GJB1: variants seen among roughly 807,000 people sequenced by gnomAD.
GJB1 encodes the protein gap junction beta-1 protein.
GJB1 carries 1 observed loss-of-function variant against 12.0 expected under a neutral mutation model. The observed-to-expected ratio is 0.08, with a 90% CI of 0.03 to 0.40. GJB1 has a LOEUF of 0.40. GJB1 is among the 10% of genes least tolerant of loss of function. GJB1 has a pLI of 0.98. For synonymous variants in GJB1, 114 were observed against 102.8 expected, an observed-to-expected ratio of 1.11 and a Z score of -0.66; for missense variants, 140 against 250.3, an observed-to-expected ratio of 0.56 and a Z score of 2.97.
At chrX:71,217,521 G>A (rs2092527938) in intron 1 of GJB1, 1 of 111,831 alleles carries the variant, frequency 8.9e-6, no homozygotes. Context: ...AGCAAAACAC[G>A]CGTGCAGCAA....
Position 71,224,578 on chromosome X carries a change from C to G in GJB1, c.*19C>G, listed in dbSNP as rs769121326. The G allele has an allele frequency of 8.7e-6, 10 of 1,154,806 alleles. No individual in the cohort carries two copies. The South Asian group carries it at 1.9e-4, about 22-fold the overall frequency. On this transcript the variant is annotated 3_prime_UTR_variant, in exon 2 of 2. Coordinates refer to ENST00000361726, the MANE Select transcript of GJB1 (RefSeq NM_000166.6). ...CTGCTGATGCCACATACCAGGCAAC[C>G]TCCCATCCCACCCCCGACCCTGCCC...
At chrX:71,219,502 T>C (rs1297425781), upstream of GJB1, among the ~76,000 whole-genome samples, 1 of 108,368 alleles carries the variant, frequency 9.2e-6, no homozygotes, top group African/African-American at 3.4e-5. Flanking sequence ...CCAGGCGCGG[T>C]GGCTCACGCC....
Position 71,224,294 on chromosome X carries a change from C to A in GJB1, c.587C>A (p.Ala196Asp). 8.3e-7 allele frequency: 1 copy of A among 1,209,075 alleles called. No homozygotes were observed. The change falls in exon 2 of 2, where the codon GCT (alanine) becomes GAT (aspartate). Residue 196 changes from alanine (A) to aspartate (D), a missense_variant. By Grantham distance (126) the Ala-to-Asp change is moderately radical. Coordinates refer to ENST00000361726, the MANE Select transcript of GJB1 (RefSeq NM_000166.6). ...EKTVFTVFML[A>D]ASGICIILNV... The stretch of plus-strand genomic sequence containing the variant: ...ACCGTCTTCACCGTCTTCATGCTAG[C>A]TGCCTCTGGCATCTGCATCATCCTC...
upstream of GJB1, among the ~76,000 whole-genome samples, chrX:71,219,454 G>T (rs1260075982): frequency 9.2e-6 from 1 of 108,338 alleles, no homozygotes; most frequent in African/African-American, 3.4e-5. Flanking sequence ...AAGAGACGGG[G>T]GTCTCCATAT....
chrX:71,224,532 A>G lies in GJB1; in HGVS notation c.825A>G (p.Glu275=). ...CTGGCACCGGGGCTGGGCTGGCTGA[A>G]AAGAGCGACCGCTGCTCGGCCTGCT... ...RSPGTGAGLA[E]KSDRCSAC is the part of the protein sequence containing the mutation. Residue 275 remains glutamate (E), a synonymous_variant, in exon 2 of 2, where the codon GAA becomes GAG. Coordinates refer to ENST00000361726, the MANE Select transcript of GJB1 (RefSeq NM_000166.6). The G allele has an allele frequency of 8.4e-7, 1 of 1,192,502 alleles. No homozygotes were observed. The highest frequency in any genetic ancestry group is 1.1e-6 in the Non-Finnish European group (1 of 885,807).
At chrX:71,221,172 C>A (rs184073860), upstream of GJB1, among the ~76,000 whole-genome samples, 634 of 111,236 alleles carry the variant, frequency 5.7e-3, 8 homozygotes, top group African/African-American at 0.019. Flanking sequence ...AGGCGTGAGC[C>A]ACCTTGCCCA....
chrX:71,219,773 CA>C (rs41477550), upstream of GJB1, among the ~76,000 whole-genome samples: 657 of 22,002 alleles, frequency 0.03, no homozygotes, highest in Middle Eastern at 0.071. Flanking sequence ...GACTCCCTCT[CA>C]AAAAAAAAAA....
At chrX:71,223,554 C>T (rs1390034106) in intron 1 of GJB1, 138 bp from the exon 2 acceptor site, 8 of 576,470 alleles carry the variant, frequency 1.4e-5, no homozygotes, top group Admixed American at 1.0e-4. Context: ...GATGGGGTGA[C>T]GAGGAAAGAC....
chrX:71,221,434 T>C (rs182880893), upstream of GJB1, among the ~76,000 whole-genome samples: 1 of 110,956 alleles, frequency 9.0e-6, no homozygotes, highest in African/African-American at 3.3e-5. Flanking sequence ...TTTCCCCAGA[T>C]TCTTTCATCC....
chrX:71,219,509 C>T (rs1392359850), upstream of GJB1, among the ~76,000 whole-genome samples: 4 of 108,003 alleles, frequency 3.7e-5, no homozygotes, highest in East Asian at 2.9e-4. Context: ...CGGTGGCTCA[C>T]GCCTATAATC....
At position 71,217,585 on chromosome X, in the gene GJB1, A is replaced by G. The variant is rs192901009; in HGVS notation, c.-17+2314A>G. On this transcript the variant is annotated intron_variant, in intron 1 of 1. Coordinates refer to the GJB1 transcript ENST00000374029. ...ACCCGAAGTCACAAAAACAGTTTGGATTTCAAAATCAGGTCACTCCCCTGG... is the reference window on the plus strand; with the variant it reads ...ACCCGAAGTCACAAAAACAGTTTGGGTTTCAAAATCAGGTCACTCCCCTGG... The G allele has an allele frequency of 3.5e-3, 392 of 111,994 alleles. 1 individual carries two copies. Among genetic ancestry groups the G allele is most frequent in the African/African-American group, 0.012 (369 of 30,908 alleles). 9.2% of individuals were successfully genotyped at this position (111,994 alleles called of 1,213,427 possible).
In GJB1 at chrX:71,223,721, G is replaced by T. The variant is rs1064793139; in HGVS notation, c.14G>T (p.Gly5Val). The T allele has an allele frequency of 1.5e-5, 18 of 1,210,958 alleles. No individual in the cohort carries two copies. The highest frequency in any genetic ancestry group is 2.0e-5 in the Non-Finnish European group (18 of 894,990). The change falls in exon 2 of 2, where the codon GGT (glycine) becomes GTT (valine). Residue 5 changes from glycine to valine, a missense_variant. Gly to Val is a moderately radical substitution (Grantham distance 109). Coordinates refer to ENST00000361726, the MANE Select transcript of GJB1 (RefSeq NM_000166.6). Reference protein sequence around the residue: MNWTGLYTLLSGVNR... With the variant: MNWTVLYTLLSGVNR... ...GAATGAGGCAGGATGAACTGGACAG[G>T]TTTGTACACCTTGCTCAGTGGCGTG...
chrX:71,221,207 T>C (rs190586005), upstream of GJB1, among the ~76,000 whole-genome samples: 6 of 112,280 alleles, frequency 5.3e-5, no homozygotes, highest in Admixed American at 3.8e-4. Context: ...TCTTTATGGC[T>C]AACTGTGGTG....
At chrX:71,222,500 A>C (rs1048796884), upstream of GJB1, 4 of 106,165 alleles carry the variant, frequency 3.8e-5, no homozygotes, top group Admixed American at 1.0e-4. Flanking sequence ...TCAGCCTCCT[A>C]AAGTGCTGGG....
At chrX:71,223,439 G>A (rs1172798495) in intron 1 of GJB1, 104 bp downstream of exon 1, 1 of 430,630 alleles carries the variant, frequency 2.3e-6, no homozygotes, top group African/African-American at 2.5e-5. Context: ...GCTTGGCAAA[G>A]AAAGGGGCTG....
At chrX:71,215,868 G>A (rs746262100) in intron 1 of GJB1, among the ~76,000 whole-genome samples, 21 of 94,738 alleles carry the variant, frequency 2.2e-4, no homozygotes, top group African/African-American at 5.9e-4. Flanking sequence ...TTGATGGTTC[G>A]GAGATTTTTT....
chrX:71,218,815 G>A (rs1472764175), upstream of GJB1, among the ~76,000 whole-genome samples: 1 of 107,206 alleles, frequency 9.3e-6, no homozygotes, highest in East Asian at 2.9e-4. Context: ...GAACCCAGGG[G>A]GCGGAGCTTG....
upstream of GJB1, among the ~76,000 whole-genome samples, chrX:71,219,791 A>T (rs1269951607): frequency 5.0e-5 from 5 of 100,238 alleles, no homozygotes; most frequent in Non-Finnish European, 1.0e-4. Context: ...AAAAAAAAAA[A>T]AAAAGAATAA....
upstream of GJB1, among the ~76,000 whole-genome samples, chrX:71,218,873 T>A (rs975159647): frequency 7.6e-5 from 8 of 104,945 alleles, no homozygotes; most frequent in Middle Eastern, 4.4e-3. Flanking sequence ...GTGACTGAGC[T>A]AGACTCCGTC....
Sources: gnomAD v4.1 joint callset for allele counts (sites outside exome capture counted in the v4.1 genomes callset) on GRCh38, gnomAD v4.1.1 for gene constraint, MANE v1.5 for transcripts, NCBI Gene and HGNC (gene_info 2026-07-23, HGNC 2026-07-21) for gene names.